NOVA2: variants seen among roughly 807,000 people sequenced by gnomAD.
The protein encoded by NOVA2 is RNA-binding protein Nova-2.
NOVA2 carries 9 observed loss-of-function variants against 22.5 expected under a neutral mutation model. The ratio of observed to expected loss-of-function variants is 0.40; its 90% CI spans 0.24 to 0.70. The LOEUF is 0.70. Among genes scored for constraint, NOVA2 ranks in the 30% least tolerant of loss-of-function variants. The probability of loss-of-function intolerance (pLI) is 0.38; values close to 1 mark genes in which losing one functional copy is unlikely to be tolerated. For synonymous variants in NOVA2, 318 were observed against 335.2 expected, an observed-to-expected ratio of 0.95 and a Z score of 0.56; for missense variants, 383 against 682.8, an observed-to-expected ratio of 0.56 and a Z score of 4.89.
At position 45,940,325 on chromosome 19, in the gene NOVA2, G is replaced by C. The variant is rs1386622484; in HGVS notation, c.1017C>G (p.Ala339=). The change falls in exon 4 of 4, where the codon GCC becomes GCG. Residue 339 remains alanine (A), a synonymous_variant. Coordinates refer to ENST00000263257, the MANE Select transcript of NOVA2 (RefSeq NM_002516.4). ...SYAGEAGAGP[A]GGAAPPPPPP... The stretch of plus-strand genomic sequence containing the variant: ...GGGGCGGCGGCGGGGCGGCCCCTCC[G>C]GCTGGCCCGGCCCCGGCCTCGCCCG... 1.7e-6 allele frequency: 2 copies of C among 1,172,038 alleles called. No homozygotes were observed. The highest frequency in any genetic ancestry group is 8.2e-5 in the East Asian group (2 of 24,282). 72.6% of individuals were successfully genotyped at this position (1,172,038 alleles called of 1,614,324 possible).
At chr19:45,967,277 A>C (rs935007458) in intron 1 of NOVA2, 2 of 152,160 alleles carry the variant, frequency 1.3e-5, no homozygotes, top group African/African-American at 4.8e-5. Flanking sequence ...CCCAGAAAGA[A>C]ACCAGGTCTC....
rs78558452 is a variant in NOVA2, at chr19:45,935,930, C to T, written c.*3933G>A. ...TCTATAGGTCGGCTTTTATCAACAT[C>T]CACTTGGGATACCCATAATTCCCAA... is the stretch of plus-strand genomic sequence containing the variant. On this transcript the variant is annotated 3_prime_UTR_variant, in exon 4 of 4. Coordinates refer to ENST00000263257, the MANE Select transcript of NOVA2 (RefSeq NM_002516.4). 0.036 allele frequency: 5,503 copies of T among 152,284 alleles called. 173 individuals are homozygous for T. The highest frequency in any genetic ancestry group is 0.049 in the Non-Finnish European group (3,347 of 68,024). The allele number at this position is 152,284 out of a possible 1,614,324, so 9.4% of individuals were successfully genotyped here.
At chr19:45,941,676 A>C (rs1286460383) in intron 3 of NOVA2, among the ~76,000 whole-genome samples, 17 of 152,280 alleles carry the variant, frequency 1.1e-4, no homozygotes, top group Non-Finnish European at 2.2e-4. Flanking sequence ...GTGGGAGGAT[A>C]ACTTGAGCCC....
At chr19:45,961,573 G>A (rs1364692291) in intron 1 of NOVA2, among the ~76,000 whole-genome samples, 1 of 152,042 alleles carries the variant, frequency 6.6e-6, no homozygotes, top group East Asian at 1.9e-4. Context: ...AGAGAGGGAG[G>A]CCAGGGAAGC....
At chr19:45,941,033 T>A in intron 3 of NOVA2, 88 bp from the exon 4 acceptor site, 1 of 1,281,396 alleles carries the variant, frequency 7.8e-7, no homozygotes, top group Non-Finnish European at 1.1e-6. Flanking sequence ...CTGTCGCCTG[T>A]AATCCCAGCA....
In NOVA2 at chr19:45,940,327, C is replaced by G. The variant is rs1187952584; in HGVS notation, c.1015G>C (p.Ala339Pro). 9.4e-6 allele frequency: 11 copies of G among 1,176,098 alleles called. No homozygotes were observed. Among genetic ancestry groups the G allele is most frequent in the Middle Eastern group, 3.5e-4 (1 of 2,896 alleles). 72.9% of individuals were successfully genotyped at this position (1,176,098 alleles called of 1,614,324 possible). ...GGCGGCGGCGGGGCGGCCCCTCCGG[C>G]TGGCCCGGCCCCGGCCTCGCCCGCG... ...SYAGEAGAGP[A>P]GGAAPPPPPP... The change falls in exon 4 of 4, where the codon GCC becomes CCC. Residue 339 changes from alanine (A) to proline (P), a missense_variant. Ala to Pro is a conservative substitution (Grantham distance 27). This residue lies in a region of NOVA2 where 349 missense variants were observed against 578.1 expected (regional missense o/e 0.60). Coordinates refer to ENST00000263257, the MANE Select transcript of NOVA2 (RefSeq NM_002516.4).
intron 3 of NOVA2, among the ~76,000 whole-genome samples, chr19:45,944,612 G>C (rs2146409832): frequency 6.6e-6 from 1 of 152,314 alleles, no homozygotes; most frequent in Admixed American, 6.5e-5. Context: ...GCAATACGTT[G>C]AATGAACAAA....
chr19:45,945,899 A>T (rs1431379270), intron 3 of NOVA2, among the ~76,000 whole-genome samples: 5 of 147,628 alleles, frequency 3.4e-5, no homozygotes, highest in Non-Finnish European at 7.4e-5. Flanking sequence ...CAGTGGCATC[A>T]TCTCAGCTCA....
At chr19:45,950,300 A>G (rs1967905304) in intron 3 of NOVA2, among the ~76,000 whole-genome samples, 1 of 151,670 alleles carries the variant, frequency 6.6e-6, no homozygotes, top group Non-Finnish European at 1.5e-5. Context: ...CTGAGACTAC[A>G]GGTGTGCACC....
chr19:45,934,865 T>C lies in NOVA2; in HGVS notation c.*4998A>G, dbSNP rs1320014414. ...AGGGGTGAGGGATGGGGGTGGGGCA[T>C]GGGATGGGGTGCGGGTGGGGAGGCA... is the stretch of plus-strand genomic sequence containing the variant. On this transcript the variant is annotated 3_prime_UTR_variant, in exon 4 of 4. Coordinates refer to ENST00000263257, the MANE Select transcript of NOVA2 (RefSeq NM_002516.4). 2.3e-4 allele frequency: 2 copies of C among 8,724 alleles called. No homozygotes were observed. The highest frequency in any genetic ancestry group is 4.2e-4 in the Non-Finnish European group (2 of 4,752). 0.5% of individuals were successfully genotyped at this position (8,724 alleles called of 1,614,324 possible).
intron 1 of NOVA2, among the ~76,000 whole-genome samples, chr19:45,970,401 C>T (rs1250861659): frequency 4.7e-5 from 7 of 147,774 alleles, no homozygotes; most frequent in African/African-American, 1.5e-4. Flanking sequence ...TTTGAGATGG[C>T]GTTTCGCTCT....
chr19:45,956,420 A>G (rs1968006486), intron 2 of NOVA2, among the ~76,000 whole-genome samples: 1 of 151,610 alleles, frequency 6.6e-6, no homozygotes. Context: ...AAGAGTGTCT[A>G]ATAATAGCTG....
chr19:45,971,007 G>A (rs999290050), intron 1 of NOVA2, among the ~76,000 whole-genome samples: 1 of 152,248 alleles, frequency 6.6e-6, no homozygotes, highest in African/African-American at 2.4e-5. Flanking sequence ...ACGTCCAGGA[G>A]CTCCGGAACC....
At position 45,950,628 on chromosome 19, in the gene NOVA2, G is replaced by C. The variant is rs901093709; in HGVS notation, c.396+3152C>G. ...AGAATCTTGGAATCCCAGGACATTA[G>C]AACAGTAGAATCTTAGATAATACAT... On this transcript the variant is annotated intron_variant, in intron 3 of 3. Coordinates refer to ENST00000263257, the MANE Select transcript of NOVA2 (RefSeq NM_002516.4). Among the ~76,000 whole-genome samples the C allele has an allele frequency of 5.9e-5, 9 of 152,282 alleles. No individual in the cohort carries two copies. The East Asian group carries it at 1.5e-3, about 26-fold the overall frequency.
intron 3 of NOVA2, among the ~76,000 whole-genome samples, chr19:45,946,478 C>T (rs1479567333): frequency 6.6e-6 from 1 of 152,106 alleles, no homozygotes; most frequent in Non-Finnish European, 1.5e-5. Context: ...ATAGAATTAG[C>T]ATTTTTGTTT....
chr19:45,973,341 T>A lies in NOVA2; in HGVS notation c.11A>T (p.Glu4Val). The A allele has an allele frequency of 8.4e-7, 1 of 1,183,970 alleles. No individual in the cohort carries two copies. The highest frequency in any genetic ancestry group is 1.1e-6 in the Non-Finnish European group (1 of 940,992). The allele number at this position is 1,183,970 out of a possible 1,614,324, so 73.3% of individuals were successfully genotyped here. Residue 4 changes from glutamate (E) to valine (V), a missense_variant, in exon 1 of 4, where the codon GAG becomes GTG. Around this residue, in one of 2 missense-constraint regions of NOVA2, gnomAD observed 349 missense variants for 578.1 expected, o/e 0.60. Coordinates refer to ENST00000263257, the MANE Select transcript of NOVA2 (RefSeq NM_002516.4). The part of the protein sequence containing the change: MEP[E>V]APDSRKRPLE... ...GGGCCTCTTGCGGGAATCCGGGGCC[T>A]CGGGCTCCATGGGGGGGGCCTGGGG...
At position 45,937,895 on chromosome 19, in the gene NOVA2, AG is replaced by A. The variant is rs1967679325; in HGVS notation, c.*1967del. Reference sequence around the variant, plus strand: ...AAGGGAGAGGGATCTCCTAGGCTTTAGGGGCAGGAATTGTCTCTGTGGCTTT... The same window carrying A: ...AAGGGAGAGGGATCTCCTAGGCTTTAGGGCAGGAATTGTCTCTGTGGCTTT... On this transcript the variant is annotated 3_prime_UTR_variant, in exon 4 of 4. Transcript: ENST00000263257. 6.6e-6 allele frequency: 1 copy of A among 151,954 alleles called. No individual in the cohort carries two copies. The highest frequency in any genetic ancestry group is 6.6e-5 in the Admixed American group (1 of 15,258). 9.4% of individuals were successfully genotyped at this position (151,954 alleles called of 1,614,324 possible). A position where few individuals can be genotyped will look rare whatever the true frequency, so the allele number is the denominator to read the frequency against.
chr19:45,937,634 T>A lies in NOVA2; in HGVS notation c.*2229A>T, dbSNP rs1365120699. ...TTGGCACTCAGATCTCCATCTGGGT[T>A]CAGTCTGGAGATTAGGGGTGGGGCA... On this transcript the variant is annotated 3_prime_UTR_variant, in exon 4 of 4. Transcript: ENST00000263257. 1 of 151,968 alleles carries A rather than the reference T, an allele frequency of 6.6e-6. No individual in the cohort carries two copies. Among genetic ancestry groups the A allele is most frequent in the Non-Finnish European group, 1.5e-5 (1 of 68,004 alleles). The allele number at this position is 151,968 out of a possible 1,614,324, so 9.4% of individuals were successfully genotyped here. A position where few individuals can be genotyped will look rare whatever the true frequency, so the allele number is the denominator to read the frequency against.
intron 1 of NOVA2, among the ~76,000 whole-genome samples, chr19:45,961,445 A>T (rs1209490367): frequency 1.3e-5 from 2 of 151,878 alleles, no homozygotes; most frequent in Non-Finnish European, 2.9e-5. Flanking sequence ...TCGCACAGCT[A>T]GCTACATTCT....
Sources: gnomAD v4.1 joint callset for allele counts (sites outside exome capture counted in the v4.1 genomes callset) on GRCh38, gnomAD v4.1.1 for gene constraint, gnomAD v4.1.1 regional missense constraint, MANE v1.5 for transcripts, NCBI Gene and HGNC (gene_info 2026-07-23, HGNC 2026-07-21) for gene names.